The following TBC1D9B variants were observed in gnomAD, a reference collection of about 807,000 sequenced individuals.
TBC1D9B encodes the protein TBC1 domain family member 9B, also known as TBC1 domain family, member 9B (with GRAM domain).
A neutral mutation model predicts 121.1 loss-of-function variants in TBC1D9B; 87 were observed. The observed-to-expected ratio is 0.72, with a 90% CI of 0.60 to 0.86. The LOEUF (loss-of-function observed/expected upper bound fraction) is 0.86. Ranked by LOEUF, TBC1D9B falls within the 40% of genes least tolerant of loss-of-function variation. The pLI, the probability that TBC1D9B is intolerant of heterozygous loss-of-function variation, is 0.00. For missense variants in TBC1D9B, 1,540 were observed against 1,628.6 expected, an observed-to-expected ratio of 0.95 and a Z score of 0.94; for synonymous variants, 668 against 670.1, an observed-to-expected ratio of 1.00 and a Z score of 0.05.
Position 179,893,975 on chromosome 5 carries a change from C to T in TBC1D9B, c.577+411G>A, listed in dbSNP as rs549346477. Among the ~76,000 whole-genome samples, 174 of 152,186 alleles carry T rather than the reference C, an allele frequency of 1.1e-3. 1 individual carries two copies. The highest frequency in any genetic ancestry group is 1.5e-3 in the Non-Finnish European group (105 of 67,986). ...GATGGCTAAGACCCTGGGGCTCTTT[C>T]TGGAGCTGCTGGGAAATCAGGCTCG... On this transcript the variant is annotated intron_variant, in intron 4 of 20. Coordinates refer to ENST00000355235, the MANE Select transcript of TBC1D9B (RefSeq NM_015043.4).
intron 7 of TBC1D9B, chr5:179,884,662 G>A (rs566925659): frequency 2.0e-5 from 3 of 152,266 alleles, no homozygotes; most frequent in Admixed American, 2.0e-4. Context: ...TCCATACAAT[G>A]GCATATGATT....
At chr5:179,906,626 C>T (rs1308027807) in intron 1 of TBC1D9B, among the ~76,000 whole-genome samples, 1 of 152,086 alleles carries the variant, frequency 6.6e-6, no homozygotes, top group Non-Finnish European at 1.5e-5. Flanking sequence ...ATCTAGGAGG[C>T]GGGTCCAGAA....
intron 8 of TBC1D9B, 37 bp from the exon 9 acceptor site, chr5:179,879,234 A>G: frequency 5.1e-6 from 8 of 1,582,194 alleles, no homozygotes; most frequent in Non-Finnish European, 6.8e-6. Flanking sequence ...TGGGGGCCGA[A>G]GCGCATCTGA....
intron 3 of TBC1D9B, 96 bp from the exon 4 acceptor site, chr5:179,894,710 C>T (rs1357492392): frequency 1.2e-5 from 16 of 1,299,052 alleles, no homozygotes; most frequent in Non-Finnish European, 1.7e-5. Flanking sequence ...GACTCATGGA[C>T]CTTGGTCTAA....
At chr5:179,889,767 G>A (rs910959897) in intron 6 of TBC1D9B, among the ~76,000 whole-genome samples, 7 of 151,512 alleles carry the variant, frequency 4.6e-5, no homozygotes, top group Admixed American at 4.0e-4. Context: ...CCAGCTACTC[G>A]GGAAGTTGAG....
rs1282945492 is a variant in TBC1D9B at position 179,865,195 on chromosome 5, G to C, written c.3021+59C>G. ...TGCAGTGCAGGTGCGGTGATGTTAGGGCCCAGTCTTGGTCAGAACTCTCCA... is the reference window on the plus strand; with the variant it reads ...TGCAGTGCAGGTGCGGTGATGTTAGCGCCCAGTCTTGGTCAGAACTCTCCA... On this transcript the variant is annotated intron_variant, in intron 20 of 20. Coordinates refer to ENST00000355235, the MANE Select transcript of TBC1D9B (RefSeq NM_015043.4). The surrounding 1 kb of genome is among the most constrained non-coding windows in gnomAD (Gnocchi z 5.1). 1 of 1,530,996 alleles carries C rather than the reference G, an allele frequency of 6.5e-7. No homozygotes were observed. Among genetic ancestry groups the C allele is most frequent in the Non-Finnish European group, 9.1e-7 (1 of 1,104,798 alleles). 94.8% of individuals were successfully genotyped at this position (1,530,996 alleles called of 1,614,324 possible). A position where few individuals can be genotyped will look rare whatever the true frequency, so the allele number is the denominator to read the frequency against.
chr5:179,877,070 C>CAAAAAA (rs58537646), intron 10 of TBC1D9B, among the ~76,000 whole-genome samples: 3 of 34,138 alleles, frequency 8.8e-5, no homozygotes, highest in African/African-American at 2.9e-4. Flanking sequence ...GATCCTGTCT[C>CAAAAAA]AAAAAAAAAA....
chr5:179,893,281 C>T lies in TBC1D9B; in HGVS notation c.764G>A (p.Ser255Asn). The change falls in exon 5 of 21, where the codon AGC becomes AAC. Residue 255 changes from serine (S) to asparagine (N), a missense_variant. By Grantham distance (46) the Ser-to-Asn change is conservative. Transcript: ENST00000355235. ...ANLAMRQLLD[S>N]EGFLEDKALP... is the part of the protein sequence containing the mutation. Reference sequence around the variant, plus strand: ...GGCCTTGTCCTCCAGGAAGCCCTCGCTGTCCAGCAGCTGCCGCATGGCCAG... The same window carrying T: ...GGCCTTGTCCTCCAGGAAGCCCTCGTTGTCCAGCAGCTGCCGCATGGCCAG... 1.2e-6 allele frequency: 2 copies of T among 1,613,932 alleles called. No homozygotes were observed. Among genetic ancestry groups the T allele is most frequent in the Non-Finnish European group, 8.5e-7 (1 of 1,180,022 alleles).
At position 179,875,168 on chromosome 5, in the gene TBC1D9B, G is replaced by A. The variant is rs1760325776; in HGVS notation, c.1920C>T (p.Gly640=). The A allele has an allele frequency of 6.2e-7, 1 of 1,613,346 alleles. No individual in the cohort carries two copies. ...TRVVGALVDQ[G]IFEELTRDFL... ...AGTCTCTCGTGAGCTCTTCGAAGAT[G>A]CCTTGGTCCACCAGGGCTCCTGCGG... Residue 640 remains glycine, a synonymous_variant, in exon 12 of 21, where the codon GGC becomes GGT. Coordinates refer to ENST00000355235, the MANE Select transcript of TBC1D9B (RefSeq NM_015043.4). The surrounding 1 kb of genome is among the most constrained non-coding windows in gnomAD (Gnocchi z 4.5).
rs1390207108 is a variant in TBC1D9B at position 179,862,804 on chromosome 5, A to C, written c.*644T>G. On this transcript the variant is annotated 3_prime_UTR_variant, in exon 21 of 21. Coordinates refer to ENST00000355235, the MANE Select transcript of TBC1D9B (RefSeq NM_015043.4). ...TGTAATTTCTAGCCAAGTGAAATGA[A>C]TCCAAGGAAATATATCAGGACCTGA... is the stretch of plus-strand genomic sequence containing the variant. The C allele has an allele frequency of 2.9e-6, 1 of 339,764 alleles. No individual in the cohort carries two copies. The highest frequency in any genetic ancestry group is 3.7e-5 in the Admixed American group (1 of 26,858). The allele number at this position is 339,764 out of a possible 1,614,324, so 21.0% of individuals were successfully genotyped here. A position where few individuals can be genotyped will look rare whatever the true frequency, so the allele number is the denominator to read the frequency against.
chr5:179,896,162 G>C (rs1295050780), intron 3 of TBC1D9B, among the ~76,000 whole-genome samples: 1 of 152,206 alleles, frequency 6.6e-6, no homozygotes, highest in Non-Finnish European at 1.5e-5. Flanking sequence ...GCCTGTCCCT[G>C]TGTTAAGAGG....
At chr5:179,895,817 T>C (rs551107181) in intron 3 of TBC1D9B, among the ~76,000 whole-genome samples, 30 of 152,206 alleles carry the variant, frequency 2.0e-4, no homozygotes, top group African/African-American at 7.2e-4. Flanking sequence ...TCTGATTTCT[T>C]CTATTTCTGA....
Position 179,907,026 on chromosome 5 carries a change from G to A in TBC1D9B, c.118+678C>T, listed in dbSNP as rs533775817. Among the ~76,000 whole-genome samples the A allele has an allele frequency of 1.3e-5, 2 of 152,154 alleles. No individual in the cohort carries two copies. Among genetic ancestry groups the A allele is most frequent in the South Asian group, 2.1e-4 (1 of 4,836 alleles). On this transcript the variant is annotated intron_variant, in intron 1 of 20. Coordinates refer to ENST00000355235, the MANE Select transcript of TBC1D9B (RefSeq NM_015043.4). The surrounding 1 kb of genome is among the most constrained non-coding windows in gnomAD (Gnocchi z 5.3). Reference sequence around the variant, plus strand: ...ATCCCACAGGCCGCACGACTCCAAGGGTGCCTGTCCAGCTTCATCCTGTGT... The same window carrying A: ...ATCCCACAGGCCGCACGACTCCAAGAGTGCCTGTCCAGCTTCATCCTGTGT...
In TBC1D9B at chr5:179,883,929, G is replaced by C. The variant is rs71613432; in HGVS notation, c.1255-4140C>G. ...GCTGTGGTCGGTCTGTGTAGTCCTT[G>C]CTCCTGTACTTTCTGGGATTGGCCA... On this transcript the variant is annotated intron_variant, in intron 7 of 20. Transcript: ENST00000355235. 2.6e-4 allele frequency among the ~76,000 whole-genome samples: 39 copies of C among 152,260 alleles called. No individual in the cohort carries two copies. The Middle Eastern group carries it at 0.014, about 53-fold the overall frequency.
chr5:179,866,574 G>A (rs1760018031), intron 18 of TBC1D9B: 1 of 152,404 alleles, frequency 6.6e-6, no homozygotes, highest in Non-Finnish European at 1.5e-5. Context: ...TCTGGGCTCA[G>A]GCAACTCACC....
Position 179,896,360 on chromosome 5 carries a change from C to T in TBC1D9B, c.349-1746G>A, listed in dbSNP as rs189348277. On this transcript the variant is annotated intron_variant, in intron 3 of 20. Coordinates refer to ENST00000355235, the MANE Select transcript of TBC1D9B (RefSeq NM_015043.4). ...TTTTCTTCTCTTATACCAGTGCTAC[C>T]GCAGCTGCGATCTAAACATCTCTCT... Among the ~76,000 whole-genome samples the T allele has an allele frequency of 1.9e-3, 284 of 152,304 alleles. 2 individuals carry two copies. The highest frequency in any genetic ancestry group is 6.3e-3 in the African/African-American group (263 of 41,560).
rs532974506 is a variant in TBC1D9B at position 179,865,409 on chromosome 5, C to T, written c.2915-49G>A. Reference sequence around the variant, plus strand: ...TAATCTTTGTCATGTGAGACGGCTGCGGGCTGACAGCAGGGAGAGGAAGAG... The same window carrying T: ...TAATCTTTGTCATGTGAGACGGCTGTGGGCTGACAGCAGGGAGAGGAAGAG... On this transcript the variant is annotated intron_variant, in intron 19 of 20. Transcript: ENST00000355235. The surrounding 1 kb of genome is among the most constrained non-coding windows in gnomAD (Gnocchi z 5.1). 2,568 of 1,556,076 alleles carry T rather than the reference C, an allele frequency of 1.7e-3. 65 individuals carry two copies. In the South Asian group the frequency reaches 0.027, roughly 16 times the overall value.
In TBC1D9B at chr5:179,865,552, G is replaced by A; in HGVS notation, c.2915-192C>T. 1.6e-6 allele frequency: 1 copy of A among 637,346 alleles called. No individual in the cohort carries two copies. Among genetic ancestry groups the A allele is most frequent in the Non-Finnish European group, 2.7e-6 (1 of 363,872 alleles). 39.5% of individuals were successfully genotyped at this position (637,346 alleles called of 1,614,324 possible). On this transcript the variant is annotated intron_variant, in intron 19 of 20. Coordinates refer to ENST00000355235, the MANE Select transcript of TBC1D9B (RefSeq NM_015043.4). This position sits in a 1 kb window ranked among gnomAD's most constrained non-coding sequence, Gnocchi z 5.1. ...CACAGGTTTTCCCTAAATTGCTGCA[G>A]TGGTTGGACCTAAGCTGATGACAAT...
intron 15 of TBC1D9B, 139 bp from the exon 16 acceptor site, chr5:179,870,634 C>A: frequency 7.8e-7 from 1 of 1,282,096 alleles, no homozygotes; most frequent in Non-Finnish European, 1.0e-6. Context: ...CCAGACACTG[C>A]AGCACCTCCC....
Sources: gnomAD v4.1 joint callset for allele counts (sites outside exome capture counted in the v4.1 genomes callset) on GRCh38, gnomAD v4.1.1 for gene constraint, Gnocchi (gnomAD v3.1) non-coding constraint, MANE v1.5 for transcripts, NCBI Gene and HGNC (gene_info 2026-07-23, HGNC 2026-07-21) for gene names.